C13orf46: variants seen among roughly 807,000 people sequenced by gnomAD.
C13orf46 encodes the protein uncharacterized protein C13orf46.
chr13:113,934,189 A>G, the C13orf46 span, among the ~76,000 whole-genome samples: 1 of 152,214 alleles, frequency 6.6e-6, no homozygotes, highest in Non-Finnish European at 1.5e-5. Flanking sequence ...TCCGTTGCTG[A>G]GCACGTTGTG....
In C13orf46 at chr13:113,956,317, G is replaced by C. The variant is rs1295254125; in HGVS notation, c.*456C>G. The C allele has an allele frequency of 1.4e-5, 2 of 144,666 alleles. No individual in the cohort carries two copies. The highest frequency in any genetic ancestry group is 3.0e-5 in the Non-Finnish European group (2 of 65,588). The allele number at this position is 144,666 out of a possible 1,614,324, so 9.0% of individuals were successfully genotyped here. ...GGAGACGAGGAGCATCTGGTGGAGA[G>C]GAGGAGTAGTATCTGGTGGAGAGGA... On this transcript the variant is annotated 3_prime_UTR_variant, in exon 7 of 7. Coordinates refer to ENST00000636427, the MANE Select transcript of C13orf46 (RefSeq NM_001365455.2).
At chr13:113,961,266 A>G (rs1239648332) in intron 6 of C13orf46, among the ~76,000 whole-genome samples, 2 of 152,116 alleles carry the variant, frequency 1.3e-5, no homozygotes, top group African/African-American at 4.8e-5. Context: ...TGTTATTGAT[A>G]TAAATGTTCT....
downstream of C13orf46, among the ~76,000 whole-genome samples, chr13:113,950,216 A>G (rs1205078813): frequency 1.0e-4 from 12 of 115,752 alleles, no homozygotes; most frequent in Non-Finnish European, 1.2e-4. Flanking sequence ...CTGCCTTGGG[A>G]ACCTCGGTGC....
rs2052520254 is a variant in C13orf46, at chr13:113,955,532, AGACGAGGAGCATCTCGTG to A, written c.*1223_*1240del. 2 of 132,400 alleles carry A rather than the reference AGACGAGGAGCATCTCGTG, an allele frequency of 1.5e-5. No individual in the cohort carries two copies. Among genetic ancestry groups the A allele is most frequent in the Non-Finnish European group, 3.4e-5 (2 of 59,138 alleles). 8.2% of individuals were successfully genotyped at this position (132,400 alleles called of 1,614,324 possible). Reference sequence around the variant, plus strand: ...CGTGGAGCGGAGGAGCATCTGGCGGAGACGAGGAGCATCTCGTGGAGAGGAGGAGCATCTCGTGGAGAG... The same window carrying A: ...CGTGGAGCGGAGGAGCATCTGGCGGAGAGAGGAGGAGCATCTCGTGGAGAG... On this transcript the variant is annotated 3_prime_UTR_variant, in exon 7 of 7. Coordinates refer to ENST00000636427, the MANE Select transcript of C13orf46 (RefSeq NM_001365455.2).
chr13:113,952,932 C>T (rs893697551), downstream of C13orf46, among the ~76,000 whole-genome samples: 80 of 152,358 alleles, frequency 5.3e-4, no homozygotes, highest in East Asian at 0.011. Flanking sequence ...AACCACGTGG[C>T]AGGAGCTGCT....
chr13:113,942,465 G>A, the C13orf46 span, among the ~76,000 whole-genome samples: 1 of 152,202 alleles, frequency 6.6e-6, no homozygotes, highest in African/African-American at 2.4e-5. Flanking sequence ...GAGGAAGGAC[G>A]GCGATTTGAC....
At chr13:113,945,443 G>C in the C13orf46 span, among the ~76,000 whole-genome samples, 6 of 151,902 alleles carry the variant, frequency 3.9e-5, no homozygotes, top group Non-Finnish European at 8.8e-5. Flanking sequence ...TACTCAGGAG[G>C]CTGAGGCAGG....
At chr13:113,970,910 C>T (rs1566424600) in intron 1 of C13orf46, among the ~76,000 whole-genome samples, 2 of 152,158 alleles carry the variant, frequency 1.3e-5, no homozygotes, top group Non-Finnish European at 2.9e-5. Flanking sequence ...CGGCTTGCAC[C>T]GAGCACACAC....
At chr13:113,931,602 T>A in the C13orf46 span, among the ~76,000 whole-genome samples, 656 of 152,148 alleles carry the variant, frequency 4.3e-3, 7 homozygotes, top group East Asian at 0.027. Context: ...AGCATGGGGG[T>A]TCCTAGTGTG....
chr13:113,973,779 C>G (rs61967979), intron 1 of C13orf46, 29 bp downstream of exon 1: 1 of 152,290 alleles, frequency 6.6e-6, no homozygotes. Context: ...GCGCCGTCCA[C>G]CCGCTCCCCG....
At chr13:113,946,905 G>A in the C13orf46 span, among the ~76,000 whole-genome samples, 2 of 152,240 alleles carry the variant, frequency 1.3e-5, no homozygotes, top group East Asian at 1.9e-4. Context: ...CCACAGCGGC[G>A]ATAGGAGAGG....
chr13:113,946,148 G>A, the C13orf46 span, among the ~76,000 whole-genome samples: 1 of 152,224 alleles, frequency 6.6e-6, no homozygotes, highest in African/African-American at 2.4e-5. Context: ...AACGGGTTTG[G>A]ATTGGTGACG....
At chr13:113,934,905 C>T in the C13orf46 span, among the ~76,000 whole-genome samples, 4 of 152,338 alleles carry the variant, frequency 2.6e-5, no homozygotes, top group South Asian at 8.3e-4. Flanking sequence ...TCTAAACGGG[C>T]TCTGGGAAGG....
the C13orf46 span, among the ~76,000 whole-genome samples, chr13:113,935,193 G>C: frequency 4.6e-5 from 7 of 152,364 alleles, no homozygotes; most frequent in South Asian, 1.2e-3. Flanking sequence ...TGAGGCCTCA[G>C]CCTTGCTGGG....
At chr13:113,969,239 G>A (rs2052679402) in intron 2 of C13orf46, among the ~76,000 whole-genome samples, 1 of 152,264 alleles carries the variant, frequency 6.6e-6, no homozygotes, top group Non-Finnish European at 1.5e-5. Context: ...GGGGCAAGAG[G>A]AATGCAACAG....
chr13:113,957,408 C>A (rs2138978030), intron 6 of C13orf46, among the ~76,000 whole-genome samples: 1 of 143,950 alleles, frequency 6.9e-6, no homozygotes, highest in Admixed American at 6.9e-5. Flanking sequence ...TCTGCCTGCA[C>A]CCCCTTTCAT....
At chr13:113,949,487 C>CA (rs2052480976), downstream of C13orf46, among the ~76,000 whole-genome samples, 1 of 152,160 alleles carries the variant, frequency 6.6e-6, no homozygotes, top group African/African-American at 2.4e-5. Context: ...TGTGACTCCC[C>CA]AAAACAGGAA....
chr13:113,937,690 G>A, the C13orf46 span, among the ~76,000 whole-genome samples: 5 of 152,234 alleles, frequency 3.3e-5, no homozygotes, highest in African/African-American at 9.6e-5. Context: ...TACATCGGAT[G>A]AACGCTGGTT....
rs2052520650 is a variant in C13orf46, at chr13:113,955,547, CGTGG to C, written c.*1222_*1225del. ...CATCTGGCGGAGACGAGGAGCATCT[CGTGG>C]AGAGGAGGAGCATCTCGTGGAGAGG... On this transcript the variant is annotated 3_prime_UTR_variant, in exon 7 of 7. Transcript: ENST00000636427. 2 of 18,462 alleles carry C rather than the reference CGTGG, an allele frequency of 1.1e-4. No individual in the cohort carries two copies. The highest frequency in any genetic ancestry group is 5.5e-4 in the Admixed American group (1 of 1,828). The allele number at this position is 18,462 out of a possible 1,614,324, so 1.1% of individuals were successfully genotyped here.
Sources: gnomAD v4.1 joint callset for allele counts (sites outside exome capture counted in the v4.1 genomes callset) on GRCh38, gnomAD v4.1.1 for gene constraint, MANE v1.5 for transcripts, NCBI Gene and HGNC (gene_info 2026-07-23, HGNC 2026-07-21) for gene names.